Variants in ROR1 observed in about 807,000 individuals in gnomAD.
The protein encoded by ROR1 is ROR family WNT receptor 1.
A neutral mutation model predicts 78.8 loss-of-function variants in ROR1; 19 were observed. The observed-to-expected ratio is 0.24, with a 90% confidence interval of 0.17 to 0.35. The LOEUF (loss-of-function observed/expected upper bound fraction) is 0.35, where lower values mean the gene tolerates loss of function less well. ROR1 is among the 10% of genes least tolerant of loss of function. The probability of loss-of-function intolerance (pLI) is 1.00; values close to 1 mark genes in which losing one functional copy is unlikely to be tolerated. For synonymous variants in ROR1, 386 were observed against 433.6 expected (o/e 0.89, Z 1.36); for missense variants, 917 against 1,177.8 (o/e 0.78, Z 3.24).
intron 1 of ROR1, among the ~76,000 whole-genome samples, chr1:63,834,182 G>A (rs956586855): frequency 6.8e-6 from 1 of 146,978 alleles, no homozygotes; most frequent in African/African-American, 2.5e-5. Context: ...AGATGGAGAA[G>A]CCTCCGGAAG....
intron 4 of ROR1, among the ~76,000 whole-genome samples, chr1:64,119,638 CAAAAAAAAA>C (rs11338825): frequency 2.6e-5 from 2 of 75,486 alleles, no homozygotes; most frequent in Admixed American, 3.1e-4. Context: ...GGCTCCGTCT[CAAAAAAAAA>C]AAAAAAAAAA....
At chr1:63,783,735 A>G (rs1431027618) in intron 1 of ROR1, among the ~76,000 whole-genome samples, 1 of 152,180 alleles carries the variant, frequency 6.6e-6, no homozygotes. Flanking sequence ...TCCAACGACC[A>G]CATGTCTGTT....
In ROR1 at chr1:64,123,614, A is replaced by G. The variant is rs760484878; in HGVS notation, c.483-13755A>G. Among the ~76,000 whole-genome samples, 4 of 152,240 alleles carry G rather than the reference A, an allele frequency of 2.6e-5. No individual in the cohort carries two copies. In the South Asian group the frequency reaches 8.3e-4, roughly 32 times the overall value. On this transcript the variant is annotated intron_variant, in intron 4 of 8. Transcript: ENST00000371079. Reference sequence around the variant, plus strand: ...TGTACAAACAGTTCATGTAATAACTAGTACAAAAGTTTTACAAAGGTGAAC... The same window carrying G: ...TGTACAAACAGTTCATGTAATAACTGGTACAAAAGTTTTACAAAGGTGAAC...
intron 2 of ROR1, among the ~76,000 whole-genome samples, chr1:64,033,903 A>G (rs921736988): frequency 2.6e-5 from 4 of 152,234 alleles, no homozygotes; most frequent in African/African-American, 9.6e-5. Flanking sequence ...TCAAGGATAC[A>G]TGAGAACAAG....
chr1:64,114,230 A>G (rs908990036), intron 4 of ROR1, among the ~76,000 whole-genome samples: 1 of 152,200 alleles, frequency 6.6e-6, no homozygotes, highest in African/African-American at 2.4e-5. Context: ...GGCCATCTCA[A>G]CGTGCAACAT....
At chr1:63,944,537 T>C (rs183769167) in intron 1 of ROR1, among the ~76,000 whole-genome samples, 1 of 152,336 alleles carries the variant, frequency 6.6e-6, no homozygotes, top group Admixed American at 6.5e-5. Flanking sequence ...CTATGTCAAA[T>C]GGTTTGATTT....
chr1:63,902,478 C>T (rs1461999802), intron 1 of ROR1, among the ~76,000 whole-genome samples: 1 of 150,948 alleles, frequency 6.6e-6, no homozygotes, highest in Admixed American at 6.6e-5. Flanking sequence ...CCACCATGCC[C>T]AGCTATTTTT....
At chr1:64,002,932 G>A (rs1646397096) in intron 1 of ROR1, among the ~76,000 whole-genome samples, 1 of 152,138 alleles carries the variant, frequency 6.6e-6, no homozygotes, top group Non-Finnish European at 1.5e-5. Flanking sequence ...ATGTCTCTCA[G>A]CTCCTTCCCC....
intron 4 of ROR1, among the ~76,000 whole-genome samples, chr1:64,121,630 G>A (rs1207413019): frequency 1.3e-5 from 2 of 151,000 alleles, no homozygotes; most frequent in South Asian, 2.2e-4. Context: ...GGTGCATAAC[G>A]GTAATAAAAG....
chr1:63,981,671 G>T (rs545688509), intron 1 of ROR1, among the ~76,000 whole-genome samples: 1 of 152,174 alleles, frequency 6.6e-6, no homozygotes, highest in African/African-American at 2.4e-5. Flanking sequence ...GGTTCAGCTG[G>T]TCCACATGGG....
At chr1:64,137,602 G>A (rs1271096014) in intron 5 of ROR1, 106 bp downstream of exon 5, 1 of 1,107,714 alleles carries the variant, frequency 9.0e-7, no homozygotes. Flanking sequence ...CAGCATGGAG[G>A]TTGGGAGCAG....
chr1:63,866,892 G>A (rs891602280), intron 1 of ROR1, among the ~76,000 whole-genome samples: 3 of 152,074 alleles, frequency 2.0e-5, no homozygotes, highest in Admixed American at 2.0e-4. Flanking sequence ...AGATTTGATA[G>A]TCCAGGTTTT....
At position 63,958,381 on chromosome 1, in the gene ROR1, A is replaced by T. The variant is rs924998680; in HGVS notation, c.92-50924A>T. 3.1e-4 allele frequency among the ~76,000 whole-genome samples: 47 copies of T among 152,158 alleles called. 1 individual carries two copies. The highest frequency in any genetic ancestry group is 1.1e-3 in the African/African-American group (46 of 41,440). ...CTTAACAATTTGACAACGAGAACAT[A>T]GGATTATGGTTTCGGGGGAAGAAGC... On this transcript the variant is annotated intron_variant, in intron 1 of 8. Coordinates refer to ENST00000371079, the MANE Select transcript of ROR1 (RefSeq NM_005012.4).
At chr1:64,172,093 T>G (rs1255755294) in intron 8 of ROR1, among the ~76,000 whole-genome samples, 2 of 152,210 alleles carry the variant, frequency 1.3e-5, no homozygotes, top group African/African-American at 4.8e-5. Flanking sequence ...TTAAAAACGC[T>G]ACTCATAGTT....
intron 1 of ROR1, among the ~76,000 whole-genome samples, chr1:63,990,085 G>C (rs1002972338): frequency 1.3e-5 from 2 of 152,136 alleles, no homozygotes; most frequent in Non-Finnish European, 2.9e-5. Flanking sequence ...CTTCCTCATG[G>C]TCCCACTAGC....
intron 2 of ROR1, among the ~76,000 whole-genome samples, chr1:64,014,653 TAA>T (rs397943151): frequency 1.6e-4 from 19 of 116,876 alleles, no homozygotes; most frequent in African/African-American, 5.3e-4. Context: ...ACCTACTACT[TAA>T]AAAAAAAAAA....
intron 4 of ROR1, among the ~76,000 whole-genome samples, chr1:64,133,227 G>T (rs187660564): frequency 1.3e-5 from 2 of 152,130 alleles, no homozygotes; most frequent in Non-Finnish European, 2.9e-5. Context: ...AGCCATGTCC[G>T]CATCGAAGTG....
At chr1:64,130,979 CA>C (rs1469927577) in intron 4 of ROR1, among the ~76,000 whole-genome samples, 1 of 152,120 alleles carries the variant, frequency 6.6e-6, no homozygotes, top group African/African-American at 2.4e-5. Flanking sequence ...GCCCGATTCA[CA>C]AGTTTTAAAA....
chr1:63,785,037 A>G (rs144538319), intron 1 of ROR1, among the ~76,000 whole-genome samples: 66 of 152,364 alleles, frequency 4.3e-4, no homozygotes, highest in African/African-American at 1.4e-3. Context: ...GTTAAACATC[A>G]TAAGGTAAAA....
Sources: allele counts gnomAD v4.1 joint callset (sites outside exome capture counted in the v4.1 genomes callset), GRCh38; gene constraint gnomAD v4.1.1; transcripts MANE v1.5; gene names NCBI Gene and HGNC (gene_info 2026-07-23, HGNC 2026-07-21).